The following RAB11FIP3 variants were observed in gnomAD, a reference collection of about 807,000 sequenced individuals.
RAB11FIP3 encodes the protein RAB11 family interacting protein 3.
RAB11FIP3 carries 17 observed loss-of-function variants against 77.8 expected under a neutral mutation model. That is an observed-to-expected ratio of 0.22 (90% CI 0.15 to 0.33). The LOEUF (loss-of-function observed/expected upper bound fraction) is 0.33, where lower values mean the gene tolerates loss of function less well. Ranked by LOEUF, RAB11FIP3 falls within the 10% of genes least tolerant of loss-of-function variation. The probability of loss-of-function intolerance (pLI) is 1.00; values close to 1 mark genes in which losing one functional copy is unlikely to be tolerated. For synonymous variants in RAB11FIP3, 437 were observed against 448.2 expected, an observed-to-expected ratio of 0.98 and a Z score of 0.31; for missense variants, 1,005 against 1,011.2, an observed-to-expected ratio of 0.99 and a Z score of 0.08.
intron 1 of RAB11FIP3, among the ~76,000 whole-genome samples, chr16:452,148 T>C (rs1429183743): frequency 1.3e-5 from 2 of 150,844 alleles, no homozygotes; most frequent in Non-Finnish European, 3.0e-5. Context: ...TGAAACTCCT[T>C]AAAAAAATAA....
chr16:471,452 A>G lies in RAB11FIP3; in HGVS notation c.903+63A>G, dbSNP rs1374208814. On this transcript the variant is annotated intron_variant, in intron 3 of 13. Coordinates refer to ENST00000262305, the MANE Select transcript of RAB11FIP3 (RefSeq NM_014700.4). The surrounding 1 kb of genome is among the most constrained non-coding windows in gnomAD (Gnocchi z 4.4). ...GCATCCACCTCTTCCTTTATGCCCT[A>G]CAGCTCGTGCCTCCTGCCTCCGGGC... is the stretch of plus-strand genomic sequence containing the variant. 4 of 1,355,726 alleles carry G rather than the reference A, an allele frequency of 3.0e-6. No homozygotes were observed. In the African/African-American group the frequency reaches 4.3e-5, roughly 15 times the overall value. The allele number at this position is 1,355,726 out of a possible 1,614,324, so 84.0% of individuals were successfully genotyped here.
chr16:447,409 C>T (rs931292682), intron 1 of RAB11FIP3, among the ~76,000 whole-genome samples: 1 of 152,144 alleles, frequency 6.6e-6, no homozygotes. Flanking sequence ...GCTGGGACTA[C>T]AGGTGTGCAC....
In RAB11FIP3 at chr16:461,538, T is replaced by G; in HGVS notation, c.808+41T>G. 1 of 1,543,880 alleles carries G rather than the reference T, an allele frequency of 6.5e-7. No individual in the cohort carries two copies. The highest frequency in any genetic ancestry group is 8.9e-7 in the Non-Finnish European group (1 of 1,118,086). ...CATGAGCTCCCACCTCCTCTCCCGT[T>G]CCTCAGCCACCCTCTCAGCCACCTG... On this transcript the variant is annotated intron_variant, in intron 2 of 13. Coordinates refer to ENST00000262305, the MANE Select transcript of RAB11FIP3 (RefSeq NM_014700.4). This position sits in a 1 kb window ranked among gnomAD's most constrained non-coding sequence, Gnocchi z 4.5.
intron 4 of RAB11FIP3, among the ~76,000 whole-genome samples, chr16:486,760 G>T (rs989762107): frequency 6.6e-6 from 1 of 152,204 alleles, no homozygotes; most frequent in Non-Finnish European, 1.5e-5. Context: ...AGATGGGGTG[G>T]TGAGGGGTGC....
At chr16:489,032 C>G in intron 5 of RAB11FIP3, 32 bp downstream of exon 5, 2 of 1,599,120 alleles carry the variant, frequency 1.3e-6, no homozygotes, top group South Asian at 1.1e-5. Context: ...ACACCCTCCT[C>G]CCTCTTCTTC....
intron 1 of RAB11FIP3, among the ~76,000 whole-genome samples, chr16:447,497 G>A (rs549765032): frequency 1.5e-3 from 221 of 152,270 alleles, no homozygotes; most frequent in South Asian, 2.5e-3. Flanking sequence ...CCAGCACTTT[G>A]GGAGGCCGAG....
chr16:503,642 G>A (rs2031654688), intron 7 of RAB11FIP3, among the ~76,000 whole-genome samples: 1 of 152,118 alleles, frequency 6.6e-6, no homozygotes, highest in Admixed American at 6.5e-5. Context: ...CACATTAGGA[G>A]GCCTAGGCGG....
rs568150518 is a variant in RAB11FIP3 at position 442,005 on chromosome 16, A to AT, written c.714+15291dup. On this transcript the variant is annotated intron_variant, in intron 1 of 13. Coordinates refer to ENST00000262305, the MANE Select transcript of RAB11FIP3 (RefSeq NM_014700.4). ...AGGCACCCGCCACCACGCCTGGCTAATTTTTTGTATTTTTAGTAGAGACGG... is the reference window on the plus strand; with the variant it reads ...AGGCACCCGCCACCACGCCTGGCTAATTTTTTTGTATTTTTAGTAGAGACGG... Among the ~76,000 whole-genome samples, 232 of 152,040 alleles carry AT rather than the reference A, an allele frequency of 1.5e-3. 3 individuals are homozygous for AT. Among genetic ancestry groups the AT allele is most frequent in the Admixed American group, 0.014 (216 of 15,264 alleles).
chr16:463,638 G>C (rs750934664), intron 2 of RAB11FIP3, among the ~76,000 whole-genome samples: 2 of 151,908 alleles, frequency 1.3e-5, no homozygotes, highest in East Asian at 3.9e-4. Context: ...GGGTTTCTCC[G>C]TTTTGGCCAG....
chr16:491,921 T>C (rs995625276), intron 5 of RAB11FIP3, among the ~76,000 whole-genome samples: 5 of 152,100 alleles, frequency 3.3e-5, no homozygotes, highest in African/African-American at 1.2e-4. Context: ...GCAGAAGAGG[T>C]GAGTGAGCAT....
intron 1 of RAB11FIP3, among the ~76,000 whole-genome samples, chr16:437,353 G>T (rs1256157866): frequency 1.3e-5 from 2 of 151,930 alleles, no homozygotes; most frequent in African/African-American, 4.8e-5. Context: ...CGGATCACCT[G>T]AGGTCAGGAT....
intron 5 of RAB11FIP3, among the ~76,000 whole-genome samples, chr16:491,630 T>C (rs2030200558): frequency 6.6e-6 from 1 of 152,362 alleles, no homozygotes; most frequent in Middle Eastern, 3.4e-3. Flanking sequence ...AGAACAGATA[T>C]GTAAACAGCT....
At chr16:438,689 A>C (rs1303862523) in intron 1 of RAB11FIP3, among the ~76,000 whole-genome samples, 1 of 111,662 alleles carries the variant, frequency 9.0e-6, no homozygotes, top group East Asian at 2.5e-4. Context: ...TGGCCTTTTA[A>C]ATTTTTTTTT....
intron 3 of RAB11FIP3, chr16:482,231 A>C: frequency 1.8e-6 from 1 of 540,708 alleles, no homozygotes. Flanking sequence ...TAAGTTTTGT[A>C]TTTTTGGTAG....
intron 9 of RAB11FIP3, among the ~76,000 whole-genome samples, chr16:517,258 A>C (rs115693823): frequency 6.6e-6 from 1 of 152,172 alleles, no homozygotes; most frequent in African/African-American, 2.4e-5. Context: ...CTCACAGACC[A>C]GGGGACGGAG....
chr16:513,893 G>T (rs999749247), intron 9 of RAB11FIP3, among the ~76,000 whole-genome samples: 1 of 152,194 alleles, frequency 6.6e-6, no homozygotes, highest in Non-Finnish European at 1.5e-5. Context: ...CCGGGCCTTG[G>T]CACAGTGCAG....
Position 521,206 on chromosome 16 carries a change from GGT to G in RAB11FIP3, c.*371_*372del. On this transcript the variant is annotated 3_prime_UTR_variant, in exon 14 of 14. Coordinates refer to ENST00000262305, the MANE Select transcript of RAB11FIP3 (RefSeq NM_014700.4). ...GGGCTGGAGAGCCTCTCTGTGCAGC[GGT>G]GTGGGGTGAGCCCTGCTGTGGCCTC... 1 of 293,838 alleles carries G rather than the reference GGT, an allele frequency of 3.4e-6. No homozygotes were observed. Among genetic ancestry groups the G allele is most frequent in the South Asian group, 4.6e-5 (1 of 21,514 alleles). The allele number at this position is 293,838 out of a possible 1,614,324, so 18.2% of individuals were successfully genotyped here.
At chr16:518,271 G>T (rs906284195) in intron 9 of RAB11FIP3, among the ~76,000 whole-genome samples, 3 of 152,178 alleles carry the variant, frequency 2.0e-5, no homozygotes, top group Admixed American at 6.5e-5. Context: ...ATAGAGATGG[G>T]GGTCTCACTA....
At chr16:490,207 A>G (rs2030051917) in intron 5 of RAB11FIP3, among the ~76,000 whole-genome samples, 1 of 152,186 alleles carries the variant, frequency 6.6e-6, no homozygotes, top group African/African-American at 2.4e-5. Context: ...TTCCCACAGC[A>G]TGTGGGTCCC....
Sources: allele counts gnomAD v4.1 joint callset (sites outside exome capture counted in the v4.1 genomes callset), GRCh38; gene constraint gnomAD v4.1.1; non-coding constraint Gnocchi (gnomAD v3.1); transcripts MANE v1.5; gene names NCBI Gene and HGNC (gene_info 2026-07-23, HGNC 2026-07-21).